PTPRJ: variants seen among roughly 807,000 people sequenced by gnomAD.
PTPRJ encodes the protein protein tyrosine phosphatase receptor type J.
Under a neutral mutation model 141.3 loss-of-function variants are expected in PTPRJ, and 129 were observed. The observed-to-expected ratio is 0.91, with a 90% CI of 0.79 to 1.06. The LOEUF is 1.06. Among genes scored for constraint, PTPRJ ranks in the 50% least tolerant of loss-of-function variants. The probability of loss-of-function intolerance (pLI) is 0.00; values close to 1 mark genes in which losing one functional copy is unlikely to be tolerated. For missense variants in PTPRJ, 1,601 were observed against 1,679.7 expected, an observed-to-expected ratio of 0.95 and a Z score of 0.82; for synonymous variants, 610 against 640.5, an observed-to-expected ratio of 0.95 and a Z score of 0.72.
chr11:48,063,073 A>T (rs1590456284), intron 1 of PTPRJ, among the ~76,000 whole-genome samples: 1 of 152,230 alleles, frequency 6.6e-6, no homozygotes, highest in Non-Finnish European at 1.5e-5. Flanking sequence ...CATGCCTGTA[A>T]TCCCAGCACT....
intron 1 of PTPRJ, among the ~76,000 whole-genome samples, chr11:47,998,797 CTGATCTACT>C (rs1310062477): frequency 9.9e-5 from 15 of 152,186 alleles, no homozygotes; most frequent in African/African-American, 3.6e-4. Flanking sequence ...CTGGTCTGCC[CTGATCTACT>C]TGAATAATCT....
chr11:48,065,258 CCTGCCT>C (rs768121447), intron 1 of PTPRJ, among the ~76,000 whole-genome samples: 1 of 152,086 alleles, frequency 6.6e-6, no homozygotes, highest in Non-Finnish European at 1.5e-5. Flanking sequence ...AGGTGATCTG[CCTGCCT>C]CTGCCTCCCA....
intron 18 of PTPRJ, among the ~76,000 whole-genome samples, chr11:48,150,979 A>G (rs911501857): frequency 4.6e-5 from 7 of 152,160 alleles, no homozygotes; most frequent in Non-Finnish European, 8.8e-5. Flanking sequence ...TGTTACCAAT[A>G]TTCAGCATTT....
intron 1 of PTPRJ, among the ~76,000 whole-genome samples, chr11:48,009,169 T>C (rs1223197497): frequency 6.6e-6 from 1 of 152,166 alleles, no homozygotes; most frequent in Non-Finnish European, 1.5e-5. Context: ...TATTGAGCGG[T>C]GGAGGATTGC....
chr11:48,089,961 A>G (rs539215181), intron 1 of PTPRJ, among the ~76,000 whole-genome samples: 1 of 152,346 alleles, frequency 6.6e-6, no homozygotes, highest in Admixed American at 6.5e-5. Flanking sequence ...ATAAGGATTT[A>G]ATGAAATATC....
In PTPRJ at chr11:48,137,025, T is replaced by C; in HGVS notation, c.1896T>C (p.Ile632=). 6.2e-7 allele frequency: 1 copy of C among 1,605,542 alleles called. No homozygotes were observed. The highest frequency in any genetic ancestry group is 8.5e-7 in the Non-Finnish European group (1 of 1,172,228). The change falls in exon 10 of 25, where the codon ATT becomes ATC. Residue 632 remains isoleucine (I), a synonymous_variant. Transcript: ENST00000418331. ...AAGGGCCCAGCAATGTGTCCAACAT[T>C]GATGTAAGTACCAACACCACAGCAG... ...QYTRPSNVSN[I]DVSTNTTAAT...
At chr11:48,016,393 T>G (rs544056081) in intron 1 of PTPRJ, among the ~76,000 whole-genome samples, 12 of 152,168 alleles carry the variant, frequency 7.9e-5, no homozygotes, top group Non-Finnish European at 1.6e-4. Flanking sequence ...TGAAATGACT[T>G]CACCCACCAG....
At position 48,153,987 on chromosome 11, in the gene PTPRJ, C is replaced by T. The variant is rs994528240; in HGVS notation, c.3229+101C>T. On this transcript the variant is annotated intron_variant, in intron 19 of 24. Transcript: ENST00000418331. Reference sequence around the variant, plus strand: ...AATCAGTGATCCTAAGTAACCACTTCCACAACCATTCATTAGTCACCTACT... The same window carrying T: ...AATCAGTGATCCTAAGTAACCACTTTCACAACCATTCATTAGTCACCTACT... 5.0e-6 allele frequency: 4 copies of T among 807,458 alleles called. No individual in the cohort carries two copies. The African/African-American group carries it at 6.9e-5, about 14-fold the overall frequency. 50.0% of individuals were successfully genotyped at this position (807,458 alleles called of 1,614,324 possible).
chr11:47,980,906 G>C lies in PTPRJ; in HGVS notation c.-7G>C. 1 of 1,156,874 alleles carries C rather than the reference G, an allele frequency of 8.6e-7. No homozygotes were observed. The highest frequency in any genetic ancestry group is 1.1e-6 in the Non-Finnish European group (1 of 940,616). 71.7% of individuals were successfully genotyped at this position (1,156,874 alleles called of 1,614,324 possible). A position where few individuals can be genotyped will look rare whatever the true frequency, so the allele number is the denominator to read the frequency against. Reference sequence around the variant, plus strand: ...GCGTCCGGGGCACGTTCCAGGGCGCGCGGGGCATGAAGCCGGCGGCGCGGG... The same window carrying C: ...GCGTCCGGGGCACGTTCCAGGGCGCCCGGGGCATGAAGCCGGCGGCGCGGG... On this transcript the variant is annotated 5_prime_UTR_variant, in exon 1 of 25. Transcript: ENST00000418331.
At chr11:48,017,925 G>A (rs1214644625) in intron 1 of PTPRJ, among the ~76,000 whole-genome samples, 4 of 152,186 alleles carry the variant, frequency 2.6e-5, no homozygotes, top group Non-Finnish European at 5.9e-5. Context: ...CAGCTGTAAA[G>A]CACTTAAAAA....
intron 5 of PTPRJ, 144 bp from the exon 6 acceptor site, chr11:48,124,824 G>A (rs1856797201): frequency 2.7e-6 from 2 of 748,756 alleles, no homozygotes; most frequent in Non-Finnish European, 4.6e-6. Context: ...CTCTCTCTCT[G>A]GAGGAGGAAG....
At chr11:48,005,355 T>A (rs1222304109) in intron 1 of PTPRJ, among the ~76,000 whole-genome samples, 5 of 152,192 alleles carry the variant, frequency 3.3e-5, no homozygotes, top group Non-Finnish European at 5.9e-5. Flanking sequence ...CACTCCTGAT[T>A]TCTCCCTCCC....
At chr11:48,077,794 TCTC>T (rs1008399207) in intron 1 of PTPRJ, among the ~76,000 whole-genome samples, 1 of 152,188 alleles carries the variant, frequency 6.6e-6, no homozygotes, top group African/African-American at 2.4e-5. Context: ...TAAGGAGACT[TCTC>T]CTGATTTTTC....
intron 1 of PTPRJ, among the ~76,000 whole-genome samples, chr11:48,076,119 G>A (rs1354468311): frequency 6.6e-6 from 1 of 152,170 alleles, no homozygotes; most frequent in Non-Finnish European, 1.5e-5. Context: ...TCACCCATCT[G>A]TTTACCTGGG....
At position 48,048,270 on chromosome 11, in the gene PTPRJ, C is replaced by T. The variant is rs181542039; in HGVS notation, c.97-61788C>T. ...ACAGGTAATCCCAAGCAGCTCTGCTCAGTTGTTGATACCCCTTCTCACAGA... is the reference window on the plus strand; with the variant it reads ...ACAGGTAATCCCAAGCAGCTCTGCTTAGTTGTTGATACCCCTTCTCACAGA... On this transcript the variant is annotated intron_variant, in intron 1 of 24. Coordinates refer to ENST00000418331, the MANE Select transcript of PTPRJ (RefSeq NM_002843.4). Among the ~76,000 whole-genome samples, 57 of 152,216 alleles carry T rather than the reference C, an allele frequency of 3.7e-4. No individual in the cohort carries two copies. In the East Asian group the frequency reaches 5.0e-3, roughly 13 times the overall value.
At chr11:48,050,818 A>G (rs1854546249) in intron 1 of PTPRJ, among the ~76,000 whole-genome samples, 1 of 152,000 alleles carries the variant, frequency 6.6e-6, no homozygotes, top group Non-Finnish European at 1.5e-5. Flanking sequence ...AATTTACAAC[A>G]CCCCTTTAGG....
intron 1 of PTPRJ, among the ~76,000 whole-genome samples, chr11:48,001,349 AGTGTGTGTGTGTGTGTGTGTGTGTGTGT>A (rs57503257): frequency 7.4e-6 from 1 of 134,678 alleles, no homozygotes; most frequent in Non-Finnish European, 1.6e-5. Context: ...ACAGCCCCAA[AGTGTGTGTGTGTGTGTGTGTGTGTGTGT>A]GTGTGTGTGT....
chr11:48,067,349 A>G (rs1237361517), intron 1 of PTPRJ, among the ~76,000 whole-genome samples: 2 of 152,208 alleles, frequency 1.3e-5, no homozygotes, highest in African/African-American at 2.4e-5. Context: ...GGTGCGGATG[A>G]CTTCCTCAAT....
chr11:48,139,817 C>T, intron 11 of PTPRJ, 41 bp downstream of exon 11: 1 of 1,605,182 alleles, frequency 6.2e-7, no homozygotes, highest in South Asian at 1.1e-5. Context: ...GCACTGTGAT[C>T]ACTCCTGGAG....
Sources: gnomAD v4.1 joint callset for allele counts (sites outside exome capture counted in the v4.1 genomes callset) on GRCh38, gnomAD v4.1.1 for gene constraint, MANE v1.5 for transcripts, NCBI Gene and HGNC (gene_info 2026-07-23, HGNC 2026-07-21) for gene names.